GRK3: variants seen among roughly 807,000 people sequenced by gnomAD.
GRK3 encodes the protein G protein-coupled receptor kinase 3, also known as adrenergic, beta, receptor kinase 2.
Under a neutral mutation model 95.7 loss-of-function variants are expected in GRK3, and 54 were observed. The observed-to-expected ratio is 0.56, with a 90% CI of 0.45 to 0.71. GRK3 has a LOEUF of 0.71. Ranked by LOEUF, GRK3 falls within the 30% of genes least tolerant of loss-of-function variation. GRK3 has a pLI of 0.00. For synonymous variants in GRK3, 281 were observed against 290.8 expected, an observed-to-expected ratio of 0.97 and a Z score of 0.34; for missense variants, 649 against 851.2, an observed-to-expected ratio of 0.76 and a Z score of 2.96.
rs567840917 is a variant in GRK3 at position 25,722,811 on chromosome 22, A to G, written c.*361A>G. The G allele has an allele frequency of 5.7e-6, 1 of 173,964 alleles. No homozygotes were observed. The highest frequency in any genetic ancestry group is 1.6e-4 in the East Asian group (1 of 6,440). 10.8% of individuals were successfully genotyped at this position (173,964 alleles called of 1,614,324 possible). ...TGTTGGGTAACAGATTGCCCTAAGC[A>G]TTGCCACATATTCTGTCTAGTCACT... On this transcript the variant is annotated 3_prime_UTR_variant, in exon 21 of 21. Coordinates refer to ENST00000324198, the MANE Select transcript of GRK3 (RefSeq NM_005160.4).
chr22:25,570,143 C>CT (rs1436594222), intron 1 of GRK3, among the ~76,000 whole-genome samples: 1 of 152,216 alleles, frequency 6.6e-6, no homozygotes, highest in East Asian at 1.9e-4. Flanking sequence ...TCCTCAGAGA[C>CT]TGATAGAGAA....
chr22:25,644,649 T>C lies in GRK3; in HGVS notation c.248T>C (p.Val83Ala). ...LNEINEAVPQ[V>A]KFYEEIKEYE... ...GAAATTAATGAAGCTGTACCTCAGG[T>C]GAAGTTTTATGAAGAGGTAAGAAGT... is the stretch of plus-strand genomic sequence containing the variant. Residue 83 changes from valine to alanine, a missense_variant, in exon 3 of 21, where the codon GTG becomes GCG. Val to Ala is a moderately conservative substitution (Grantham distance 64). Transcript: ENST00000324198. 6.4e-7 allele frequency: 1 copy of C among 1,551,298 alleles called. No individual in the cohort carries two copies. Among genetic ancestry groups the C allele is most frequent in the Non-Finnish European group, 8.9e-7 (1 of 1,129,410 alleles).
intron 13 of GRK3, chr22:25,702,893 C>T (rs1413166228): frequency 4.4e-6 from 2 of 455,970 alleles, no homozygotes; most frequent in South Asian, 3.1e-5. Flanking sequence ...ACTAAACCAA[C>T]AAGTCACAAC....
intron 3 of GRK3, among the ~76,000 whole-genome samples, chr22:25,657,346 T>C (rs2084879342): frequency 6.6e-6 from 1 of 152,220 alleles, no homozygotes; most frequent in African/African-American, 2.4e-5. Context: ...TTGTCCATTT[T>C]CTCCATAATT....
At chr22:25,629,324 G>C (rs1474988566) in intron 2 of GRK3, among the ~76,000 whole-genome samples, 1 of 152,200 alleles carries the variant, frequency 6.6e-6, no homozygotes, top group East Asian at 1.9e-4. Flanking sequence ...GATTGGTGAA[G>C]AGAGGGTGGC....
In GRK3 at chr22:25,602,014, A is replaced by G. The variant is rs1386561712; in HGVS notation, c.114-2363A>G. On this transcript the variant is annotated intron_variant, in intron 1 of 20. Transcript: ENST00000324198. ...ACTAAGCACCTCTGCTCTAAGAAGG[A>G]CTCCCTGAAGAAAATGAAGAGCTGA... 2.0e-5 allele frequency among the ~76,000 whole-genome samples: 3 copies of G among 152,282 alleles called. No homozygotes were observed. In the East Asian group the frequency reaches 5.8e-4, roughly 29 times the overall value.
rs2085366623 is a variant in GRK3 at position 25,714,355 on chromosome 22, T to TA, written c.1492-52dup. 7 of 1,543,962 alleles carry TA rather than the reference T, an allele frequency of 4.5e-6. No individual in the cohort carries two copies. In the African/African-American group the frequency reaches 6.9e-5, roughly 15 times the overall value. On this transcript the variant is annotated intron_variant, in intron 17 of 20. Transcript: ENST00000324198. The stretch of plus-strand genomic sequence containing the variant: ...CCATGGATGTGGCGCCGCGGACTCT[T>TA]ACCTTTGTAAGTATGTTAAATCATA...
intron 15 of GRK3, among the ~76,000 whole-genome samples, chr22:25,707,714 G>A (rs1235013773): frequency 6.6e-6 from 1 of 152,188 alleles, no homozygotes; most frequent in Non-Finnish European, 1.5e-5. Flanking sequence ...TTATAAATGC[G>A]AAGCAAGACT....
At chr22:25,625,772 TA>T (rs1363689822) in intron 2 of GRK3, among the ~76,000 whole-genome samples, 2 of 152,236 alleles carry the variant, frequency 1.3e-5, no homozygotes, top group Non-Finnish European at 2.9e-5. Context: ...GTGAAAGTAC[TA>T]AAAGTCTCTG....
In GRK3 at chr22:25,565,727, A is replaced by G. The variant is rs571875441; in HGVS notation, c.113+574A>G. 6.6e-5 allele frequency among the ~76,000 whole-genome samples: 10 copies of G among 152,286 alleles called. No homozygotes were observed. In the South Asian group the frequency reaches 1.9e-3, roughly 28 times the overall value. Reference sequence around the variant, plus strand: ...GCTCTTCTTGAAGTCTATTAAGTCTAGTCACCTTCTTCGGCTTCTCTTCTA... The same window carrying G: ...GCTCTTCTTGAAGTCTATTAAGTCTGGTCACCTTCTTCGGCTTCTCTTCTA... On this transcript the variant is annotated intron_variant, in intron 1 of 20. Coordinates refer to ENST00000324198, the MANE Select transcript of GRK3 (RefSeq NM_005160.4).
At chr22:25,582,987 AAGAC>A (rs1208783856) in intron 1 of GRK3, among the ~76,000 whole-genome samples, 2 of 152,258 alleles carry the variant, frequency 1.3e-5, no homozygotes, top group Non-Finnish European at 2.9e-5. Flanking sequence ...TCCAAATTAA[AAGAC>A]AGGAGGAAAA....
intron 3 of GRK3, among the ~76,000 whole-genome samples, chr22:25,645,814 G>A (rs930372636): frequency 2.6e-5 from 4 of 152,018 alleles, no homozygotes; most frequent in Admixed American, 6.6e-5. Context: ...CCAGCTACTC[G>A]GGAGGCTGAG....
chr22:25,609,869 A>C (rs538974995), intron 2 of GRK3, among the ~76,000 whole-genome samples: 2 of 140,290 alleles, frequency 1.4e-5, no homozygotes, highest in Non-Finnish European at 3.1e-5. Flanking sequence ...TTTTTTTGAG[A>C]CAGAGTCTTG....
intron 2 of GRK3, among the ~76,000 whole-genome samples, chr22:25,614,405 A>G (rs1209038441): frequency 2.0e-5 from 3 of 152,184 alleles, no homozygotes; most frequent in African/African-American, 7.2e-5. Flanking sequence ...AAGTGTCGGG[A>G]TTATAGGTGT....
chr22:25,656,832 G>C (rs2084875250), intron 3 of GRK3, among the ~76,000 whole-genome samples: 1 of 152,162 alleles, frequency 6.6e-6, no homozygotes, highest in South Asian at 2.1e-4. Context: ...ATTGTGACTT[G>C]GTGACCACTT....
In GRK3 at chr22:25,624,857, A is replaced by G. The variant is rs767488505; in HGVS notation, c.191-19735A>G. On this transcript the variant is annotated intron_variant, in intron 2 of 20. Transcript: ENST00000324198. ...TCCGCACACAATGATTTTAACTGCC[A>G]TTAGTATCAAACTGTTATTTGCAGC... 7.0e-4 allele frequency among the ~76,000 whole-genome samples: 106 copies of G among 151,818 alleles called. 2 individuals carry two copies. The highest frequency in any genetic ancestry group is 2.3e-3 in the African/African-American group (97 of 41,414).
intron 11 of GRK3, among the ~76,000 whole-genome samples, chr22:25,688,426 A>G (rs1478874985): frequency 2.6e-5 from 4 of 152,194 alleles, no homozygotes; most frequent in Non-Finnish European, 5.9e-5. Flanking sequence ...GAGCTAAGAC[A>G]TAGAATGGCC....
intron 2 of GRK3, among the ~76,000 whole-genome samples, chr22:25,613,617 TA>T (rs1242886165): frequency 3.3e-5 from 5 of 149,660 alleles, no homozygotes; most frequent in Non-Finnish European, 7.4e-5. Context: ...GGTTTCCTAA[TA>T]AAAATGCTGC....
At chr22:25,574,803 A>G (rs1195841621) in intron 1 of GRK3, among the ~76,000 whole-genome samples, 2 of 152,212 alleles carry the variant, frequency 1.3e-5, no homozygotes, top group African/African-American at 4.8e-5. Flanking sequence ...TGGGAAGAGA[A>G]TCATGCAATA....
Sources: gnomAD v4.1 joint callset for allele counts (sites outside exome capture counted in the v4.1 genomes callset) on GRCh38, gnomAD v4.1.1 for gene constraint, MANE v1.5 for transcripts, NCBI Gene and HGNC (gene_info 2026-07-23, HGNC 2026-07-21) for gene names.